The following ACVR1 variants were observed in gnomAD, a reference collection of about 807,000 sequenced individuals.
ACVR1 encodes activin A receptor type 1, also known as activin receptor type-1.
In ACVR1, 38 loss-of-function variants were observed where a neutral mutation model predicts 57.1. The observed-to-expected ratio is 0.67, with a 90% confidence interval of 0.51 to 0.87. ACVR1 has a LOEUF of 0.87. Ranked by LOEUF, ACVR1 falls within the 40% of genes least tolerant of loss-of-function variation. The pLI is 0.00. For missense variants in ACVR1, 463 were observed against 638.2 expected (o/e 0.73, Z 2.96); for synonymous variants, 212 against 228.1 (o/e 0.93, Z 0.63).
chr2:157,816,977 T>G (rs1180349110), intron 2 of ACVR1, among the ~76,000 whole-genome samples: 3 of 152,050 alleles, frequency 2.0e-5, no homozygotes, highest in African/African-American at 7.2e-5. Context: ...TTTTTTTTTT[T>G]GATACAAGGT....
chr2:157,844,997 G>T (rs893612947), intron 1 of ACVR1, among the ~76,000 whole-genome samples: 8 of 152,142 alleles, frequency 5.3e-5, no homozygotes, highest in Admixed American at 3.3e-4. Context: ...AGTGTCTATT[G>T]TTTATAAATT....
At chr2:157,760,435 CA>C (rs1267100093) in intron 9 of ACVR1, among the ~76,000 whole-genome samples, 1 of 152,002 alleles carries the variant, frequency 6.6e-6, no homozygotes, top group Non-Finnish European at 1.5e-5. Flanking sequence ...CTATGTATTT[CA>C]AAATAGCTAG....
At chr2:157,794,371 G>A (rs1207254267) in intron 3 of ACVR1, among the ~76,000 whole-genome samples, 2 of 152,166 alleles carry the variant, frequency 1.3e-5, no homozygotes, top group East Asian at 3.8e-4. Flanking sequence ...GGAGAGACAA[G>A]AAAAGTAAGA....
chr2:157,767,374 C>T (rs1390483997), intron 7 of ACVR1, among the ~76,000 whole-genome samples: 1 of 152,100 alleles, frequency 6.6e-6, no homozygotes, highest in Admixed American at 6.5e-5. Context: ...AACTTTTGAG[C>T]ATGCAGAAGA....
At chr2:157,785,318 A>T (rs1686674410) in intron 3 of ACVR1, among the ~76,000 whole-genome samples, 1 of 152,240 alleles carries the variant, frequency 6.6e-6, no homozygotes, top group Non-Finnish European at 1.5e-5. Flanking sequence ...CACTCTAAAC[A>T]ATTCATTCAT....
chr2:157,737,776 T>C, intron 10 of ACVR1, 111 bp from the exon 11 acceptor site: 1 of 1,401,460 alleles, frequency 7.1e-7, no homozygotes, highest in Non-Finnish European at 1.0e-6. Context: ...TCTTGTGAAA[T>C]TAGAGTTATG....
chr2:157,737,389 G>GGTACGACGTCTGCCAAA lies in ACVR1; in HGVS notation c.*141_*142insTTTGGCAGACGTCGTAC. The GGTACGACGTCTGCCAAA allele has an allele frequency of 9.2e-7, 1 of 1,091,462 alleles. No homozygotes were observed. 67.6% of individuals were successfully genotyped at this position (1,091,462 alleles called of 1,614,324 possible). ...TTGATGTCTCCCCAACACATGGCTG[G>GGTACGACGTCTGCCAAA]GTACGACGTCTGCCTTGTCAAAGCA... On this transcript the variant is annotated 3_prime_UTR_variant, in exon 11 of 11. Transcript: ENST00000434821.
chr2:157,868,484 C>CA (rs11287777), intron 1 of ACVR1, among the ~76,000 whole-genome samples: 14 of 140,018 alleles, frequency 1.0e-4, no homozygotes, highest in African/African-American at 3.7e-4. Flanking sequence ...GACTCCATCT[C>CA]AAAAAAAAAA....
chr2:157,860,685 A>G (rs1689688656), intron 1 of ACVR1, among the ~76,000 whole-genome samples: 1 of 152,146 alleles, frequency 6.6e-6, no homozygotes, highest in Non-Finnish European at 1.5e-5. Flanking sequence ...GCTGCTCTAC[A>G]TATACTTCCA....
intron 9 of ACVR1, among the ~76,000 whole-genome samples, chr2:157,746,123 G>A (rs1684954669): frequency 6.6e-6 from 1 of 152,104 alleles, no homozygotes; most frequent in Non-Finnish European, 1.5e-5. Flanking sequence ...GTGAAGAGGG[G>A]AAACAAATGT....
intron 2 of ACVR1, among the ~76,000 whole-genome samples, chr2:157,806,576 T>C (rs1231395794): frequency 6.6e-6 from 1 of 152,170 alleles, no homozygotes; most frequent in East Asian, 1.9e-4. Context: ...CTGTAACTGA[T>C]TAGATAATAC....
intron 3 of ACVR1, among the ~76,000 whole-genome samples, chr2:157,791,228 C>T (rs911602089): frequency 1.3e-5 from 2 of 152,162 alleles, no homozygotes; most frequent in African/African-American, 4.8e-5. Flanking sequence ...GTTTACGTCA[C>T]CAATGCCTAC....
intron 1 of ACVR1, among the ~76,000 whole-genome samples, chr2:157,827,204 GAAAA>G (rs1479073927): frequency 1.3e-5 from 2 of 151,762 alleles, no homozygotes; most frequent in African/African-American, 4.8e-5. Context: ...AGAATAAACT[GAAAA>G]AAAGACAATC....
rs577528916 is a variant in ACVR1, at chr2:157,800,925, G to A, written c.-7-1425C>T. On this transcript the variant is annotated intron_variant, in intron 2 of 10. Coordinates refer to ENST00000434821, the MANE Select transcript of ACVR1 (RefSeq NM_001111067.4). ...CTCTCCAACCCCATTGCCTCCTCCT[G>A]TCATACATGATTCCGGCTCAAAGGT... 3.3e-5 allele frequency among the ~76,000 whole-genome samples: 5 copies of A among 151,872 alleles called. No individual in the cohort carries two copies. In the South Asian group the frequency reaches 1.0e-3, roughly 32 times the overall value.
At chr2:157,738,688 C>T in intron 9 of ACVR1, 118 bp from the exon 10 acceptor site, 3 of 1,499,156 alleles carry the variant, frequency 2.0e-6, no homozygotes, top group Admixed American at 1.7e-5. Context: ...TCACCTTCCT[C>T]ATACCTCAGG....
In ACVR1 at chr2:157,742,113, C is replaced by T. The variant is rs578243901; in HGVS notation, c.1265-3543G>A. Among the ~76,000 whole-genome samples, 6 of 152,156 alleles carry T rather than the reference C, an allele frequency of 3.9e-5. No individual in the cohort carries two copies. In the South Asian group the frequency reaches 6.2e-4, roughly 16 times the overall value. On this transcript the variant is annotated intron_variant, in intron 9 of 10. Transcript: ENST00000434821. ...GGGGACAGGAGGTGAGGCCAGACTG[C>T]GAGGTGACACCTGCTGTCAAGGTAG...
At chr2:157,796,303 G>A (rs1687117971) in intron 3 of ACVR1, among the ~76,000 whole-genome samples, 1 of 151,976 alleles carries the variant, frequency 6.6e-6, no homozygotes, top group Admixed American at 6.6e-5. Flanking sequence ...TATAATCTCA[G>A]CACTTTGGGA....
At chr2:157,821,695 G>A (rs1688166794) in intron 1 of ACVR1, among the ~76,000 whole-genome samples, 1 of 152,118 alleles carries the variant, frequency 6.6e-6, no homozygotes, top group Non-Finnish European at 1.5e-5. Flanking sequence ...AGCTAATCAA[G>A]CTGTGTAAAA....
At chr2:157,814,472 G>A (rs1421448130) in intron 2 of ACVR1, among the ~76,000 whole-genome samples, 2 of 152,150 alleles carry the variant, frequency 1.3e-5, no homozygotes, top group Non-Finnish European at 2.9e-5. Context: ...ATAATCACTT[G>A]GGAGTCATAC....
Sources: gnomAD v4.1 joint callset for allele counts (sites outside exome capture counted in the v4.1 genomes callset) on GRCh38, gnomAD v4.1.1 for gene constraint, MANE v1.5 for transcripts, NCBI Gene and HGNC (gene_info 2026-07-23, HGNC 2026-07-21) for gene names.